The following CMTM8 variants were observed in gnomAD, a reference collection of about 807,000 sequenced individuals.
CMTM8 encodes the protein CKLF like MARVEL transmembrane domain containing 8.
CMTM8 carries 12 observed loss-of-function variants against 18.6 expected under a neutral mutation model. That is an observed-to-expected ratio of 0.65 (90% CI 0.41 to 1.05). The LOEUF is 1.05. CMTM8 is among the 50% of genes least tolerant of loss of function. CMTM8 has a pLI of 0.00. For synonymous variants in CMTM8, 87 were observed against 90.6 expected, an observed-to-expected ratio of 0.96 and a Z score of 0.23; for missense variants, 217 against 227.2, an observed-to-expected ratio of 0.95 and a Z score of 0.29.
At chr3:32,297,690 A>C (rs916588444) in intron 1 of CMTM8, among the ~76,000 whole-genome samples, 1 of 152,044 alleles carries the variant, frequency 6.6e-6, no homozygotes, top group African/African-American at 2.4e-5. Context: ...TTGATGGTGA[A>C]AGATAACAAT....
At chr3:32,304,229 G>A (rs1265913719) in intron 1 of CMTM8, among the ~76,000 whole-genome samples, 1 of 152,166 alleles carries the variant, frequency 6.6e-6, no homozygotes, top group Non-Finnish European at 1.5e-5. Context: ...CATCTGCCAG[G>A]TCTTATAAAA....
chr3:32,367,337 G>A (rs1248359037), intron 2 of CMTM8, among the ~76,000 whole-genome samples: 2 of 152,182 alleles, frequency 1.3e-5, no homozygotes, highest in Non-Finnish European at 2.9e-5. Context: ...GTTCCCAAAG[G>A]GCTGTAACCG....
At chr3:32,259,840 T>C (rs1702232068) in intron 1 of CMTM8, 7 of 819,124 alleles carry the variant, frequency 8.5e-6, no homozygotes, top group Non-Finnish European at 1.5e-5. Context: ...AGCTGAGACA[T>C]GCAGTCCAGT....
chr3:32,319,501 AT>A (rs1335308878), intron 1 of CMTM8, among the ~76,000 whole-genome samples: 1 of 151,856 alleles, frequency 6.6e-6, no homozygotes, highest in Non-Finnish European at 1.5e-5. Flanking sequence ...GTGCTAGGTT[AT>A]TTTTTAAAAC....
At chr3:32,319,074 A>ATATATATATATATATTTTTTTTTTTTTTT in intron 1 of CMTM8, among the ~76,000 whole-genome samples, 3 of 31,530 alleles carry the variant, frequency 9.5e-5, no homozygotes, top group Non-Finnish European at 1.5e-4. Context: ...ATATATATAT[A>ATATATATATATATATTTTTTTTTTTTTTT]TTTTTTTTTT....
chr3:32,273,046 G>T (rs558898411), intron 1 of CMTM8, among the ~76,000 whole-genome samples: 3 of 152,150 alleles, frequency 2.0e-5, no homozygotes, highest in Admixed American at 2.0e-4. Flanking sequence ...ATCACAATGA[G>T]ATACCATTTC....
chr3:32,270,614 G>A (rs113637553), intron 1 of CMTM8, among the ~76,000 whole-genome samples: 5 of 152,164 alleles, frequency 3.3e-5, no homozygotes, highest in Admixed American at 6.5e-5. Context: ...GTAAACTATC[G>A]CAAGGACAAA....
chr3:32,296,937 T>C (rs1331835756), intron 1 of CMTM8, among the ~76,000 whole-genome samples: 5 of 152,136 alleles, frequency 3.3e-5, no homozygotes, highest in Non-Finnish European at 7.4e-5. Flanking sequence ...ATTTTCGTTA[T>C]TGTAAATAAG....
intron 1 of CMTM8, among the ~76,000 whole-genome samples, chr3:32,326,982 G>A (rs2125581126): frequency 6.6e-6 from 1 of 152,172 alleles, no homozygotes; most frequent in Non-Finnish European, 1.5e-5. Flanking sequence ...TTATCTCCCT[G>A]GCCACACTGA....
chr3:32,266,488 G>A (rs1309996392), intron 1 of CMTM8, among the ~76,000 whole-genome samples: 2 of 152,150 alleles, frequency 1.3e-5, no homozygotes, highest in African/African-American at 4.8e-5. Flanking sequence ...ACAAACCCCA[G>A]CCAATATCAT....
rs940833089 is a variant in CMTM8 at position 32,259,749 on chromosome 3, G to T, written c.147+20630G>T. On this transcript the variant is annotated intron_variant, in intron 1 of 3. Coordinates refer to ENST00000307526, the MANE Select transcript of CMTM8 (RefSeq NM_178868.5). Reference sequence around the variant, plus strand: ...AACTGAGAGGAGCTGGACAAGTACTGGTCTCAGCAGATTGAGGAGAGCACC... The same window carrying T: ...AACTGAGAGGAGCTGGACAAGTACTTGTCTCAGCAGATTGAGGAGAGCACC... 5.3e-6 allele frequency: 5 copies of T among 950,914 alleles called. No homozygotes were observed. In the African/African-American group the frequency reaches 7.9e-5, roughly 15 times the overall value. 58.9% of individuals were successfully genotyped at this position (950,914 alleles called of 1,614,324 possible). A position where few individuals can be genotyped will look rare whatever the true frequency, so the allele number is the denominator to read the frequency against.
At chr3:32,309,100 ATGTACGCATG>A (rs1559376037) in intron 1 of CMTM8, among the ~76,000 whole-genome samples, 1 of 152,090 alleles carries the variant, frequency 6.6e-6, no homozygotes, top group Admixed American at 6.6e-5. Context: ...TCTGGGTCAT[ATGTACGCATG>A]TGTACCAAGT....
At chr3:32,267,685 T>G (rs1174994737) in intron 1 of CMTM8, among the ~76,000 whole-genome samples, 1 of 151,524 alleles carries the variant, frequency 6.6e-6, no homozygotes, top group Non-Finnish European at 1.5e-5. Context: ...TGGGAGAAAA[T>G]TTTTTCAATC....
At chr3:32,319,848 T>C (rs966901400) in intron 1 of CMTM8, among the ~76,000 whole-genome samples, 1 of 152,204 alleles carries the variant, frequency 6.6e-6, no homozygotes, top group Non-Finnish European at 1.5e-5. Context: ...CTTGGAAGTA[T>C]TGGTTTGTCA....
At position 32,353,496 on chromosome 3, in the gene CMTM8, A is replaced by G. The variant is rs1404941085; in HGVS notation, c.148-3877A>G. ...TATCAATAGGGGATTGGTTACATGA[A>G]TTATGGAAGACTGAGCAACTGTTAA... On this transcript the variant is annotated intron_variant, in intron 1 of 3. Coordinates refer to ENST00000307526, the MANE Select transcript of CMTM8 (RefSeq NM_178868.5). Among the ~76,000 whole-genome samples the G allele has an allele frequency of 2.6e-5, 4 of 152,210 alleles. No individual in the cohort carries two copies. The East Asian group carries it at 7.7e-4, about 29-fold the overall frequency.
At chr3:32,254,960 C>A (rs1342911811) in intron 1 of CMTM8, among the ~76,000 whole-genome samples, 3 of 152,186 alleles carry the variant, frequency 2.0e-5, no homozygotes, top group African/African-American at 7.2e-5. Flanking sequence ...TACTGTCTGT[C>A]TCTATAAATT....
At chr3:32,368,740 G>C (rs758657227) in intron 3 of CMTM8, among the ~76,000 whole-genome samples, 3 of 152,076 alleles carry the variant, frequency 2.0e-5, no homozygotes, top group Non-Finnish European at 4.4e-5. Context: ...GGAATTACAG[G>C]CATGAGCCAC....
chr3:32,269,029 C>G (rs1169379178), intron 1 of CMTM8, among the ~76,000 whole-genome samples: 1 of 152,190 alleles, frequency 6.6e-6, no homozygotes, highest in African/African-American at 2.4e-5. Context: ...AAATCTACAT[C>G]AATCAATAAT....
chr3:32,280,606 C>T (rs375837092), intron 1 of CMTM8, among the ~76,000 whole-genome samples: 1 of 152,068 alleles, frequency 6.6e-6, no homozygotes, highest in Non-Finnish European at 1.5e-5. Flanking sequence ...CACTCCCATA[C>T]TGTGGAGTGT....
Sources: gnomAD v4.1 joint callset for allele counts (sites outside exome capture counted in the v4.1 genomes callset) on GRCh38, gnomAD v4.1.1 for gene constraint, MANE v1.5 for transcripts, NCBI Gene and HGNC (gene_info 2026-07-23, HGNC 2026-07-21) for gene names.